Variants in MCTP1 observed in about 807,000 individuals in gnomAD.
MCTP1 encodes the protein multiple C2 and transmembrane domain-containing protein 1.
A neutral mutation model predicts 120.6 loss-of-function variants in MCTP1; 69 were observed. The observed-to-expected ratio is 0.57, with a 90% CI of 0.47 to 0.70. MCTP1 has a LOEUF of 0.70. Among genes scored for constraint, MCTP1 ranks in the 30% least tolerant of loss-of-function variants. MCTP1 has a pLI of 0.00. For synonymous variants in MCTP1, 529 were observed against 493.1 expected, an observed-to-expected ratio of 1.07 and a Z score of -0.96; for missense variants, 1,203 against 1,248.8, an observed-to-expected ratio of 0.96 and a Z score of 0.55.
intron 1 of MCTP1, among the ~76,000 whole-genome samples, chr5:95,054,113 G>A (rs1045049493): frequency 6.6e-6 from 1 of 152,144 alleles, no homozygotes; most frequent in African/African-American, 2.4e-5. Flanking sequence ...GATTTCAAAT[G>A]TTTAAAGCTT....
At chr5:94,751,841 T>C (rs1208497162) in intron 19 of MCTP1, among the ~76,000 whole-genome samples, 2 of 151,658 alleles carry the variant, frequency 1.3e-5, no homozygotes, top group Non-Finnish European at 1.5e-5. Flanking sequence ...TCTCGATCCA[T>C]ACTTACCAGT....
chr5:94,921,813 A>G (rs552618594), intron 7 of MCTP1, among the ~76,000 whole-genome samples: 2 of 152,364 alleles, frequency 1.3e-5, no homozygotes, highest in South Asian at 4.1e-4. Context: ...GCTGCTGAAG[A>G]AAAGGGTCAA....
intron 12 of MCTP1, among the ~76,000 whole-genome samples, chr5:94,878,316 T>G (rs1799339763): frequency 6.6e-6 from 1 of 152,144 alleles, no homozygotes; most frequent in Non-Finnish European, 1.5e-5. Flanking sequence ...TCAACTGACC[T>G]AAACATATTT....
chr5:94,774,036 G>A lies in MCTP1; in HGVS notation c.2610+5074C>T, dbSNP rs1273878731. Among the ~76,000 whole-genome samples the A allele has an allele frequency of 9.7e-4, 53 of 54,912 alleles. 18 individuals are homozygous for A. The highest frequency in any genetic ancestry group is 3.9e-3 in the African/African-American group (44 of 11,248). The allele number at this position is 54,912 out of a possible 152,430, so 36.0% of individuals were successfully genotyped here. ...ATCCCGGCTAAAATGGTGAAACCCC[G>A]TCTCTACTAAAAATACAAAAAATTA... On this transcript the variant is annotated intron_variant, in intron 19 of 22. Transcript: ENST00000515393.
chr5:95,244,089 C>T (rs1756477137), intron 1 of MCTP1, among the ~76,000 whole-genome samples: 1 of 152,184 alleles, frequency 6.6e-6, no homozygotes, highest in African/African-American at 2.4e-5. Context: ...TTTTAACGTA[C>T]AGTCTCCTAA....
At chr5:94,910,375 T>C (rs1213939632) in intron 9 of MCTP1, among the ~76,000 whole-genome samples, 2 of 152,018 alleles carry the variant, frequency 1.3e-5, no homozygotes, top group East Asian at 1.9e-4. Context: ...CCTATATTGA[T>C]AGGAATGGAA....
intron 1 of MCTP1, among the ~76,000 whole-genome samples, chr5:95,152,668 G>A (rs912158793): frequency 1.1e-4 from 17 of 152,258 alleles, no homozygotes; most frequent in African/African-American, 4.1e-4. Flanking sequence ...GGAGGTGAAG[G>A]AAAAATAACT....
intron 19 of MCTP1, among the ~76,000 whole-genome samples, chr5:94,773,482 C>A (rs1484311387): frequency 6.6e-6 from 1 of 152,126 alleles, no homozygotes; most frequent in Non-Finnish European, 1.5e-5. Flanking sequence ...TGCCAAGATT[C>A]GCGCCTTCCA....
chr5:95,082,953 C>T (rs193280798), intron 1 of MCTP1, among the ~76,000 whole-genome samples: 7 of 152,254 alleles, frequency 4.6e-5, no homozygotes, highest in Middle Eastern at 3.4e-3. Flanking sequence ...TACTTTCTAT[C>T]GGATGATCTT....
chr5:94,988,549 G>T (rs1167035495), intron 2 of MCTP1, among the ~76,000 whole-genome samples: 2 of 150,784 alleles, frequency 1.3e-5, no homozygotes, highest in African/African-American at 4.9e-5. Context: ...ATGATTTTTG[G>T]AAGTAGGTTT....
intron 19 of MCTP1, among the ~76,000 whole-genome samples, chr5:94,751,219 G>GA (rs1251041410): frequency 3.9e-5 from 6 of 151,996 alleles, no homozygotes; most frequent in African/African-American, 1.4e-4. Context: ...TTTAGTAATA[G>GA]AAAAAATGAT....
chr5:94,923,949 AT>A lies in MCTP1; in HGVS notation c.1272+12del. 1.3e-6 allele frequency: 2 copies of A among 1,493,336 alleles called. No homozygotes were observed. Among genetic ancestry groups the A allele is most frequent in the South Asian group, 2.6e-5 (2 of 75,578 alleles). The allele number at this position is 1,493,336 out of a possible 1,614,324, so 92.5% of individuals were successfully genotyped here. A position where few individuals can be genotyped will look rare whatever the true frequency, so the allele number is the denominator to read the frequency against. ...AAAATCAAGAATATTAACAAAAAGG[AT>A]TTAGACATTACCCTCCAAAAGAGAG... On this transcript the variant is annotated intron_variant, in intron 7 of 22. Coordinates refer to ENST00000515393, the MANE Select transcript of MCTP1 (RefSeq NM_024717.7).
At chr5:94,801,640 A>C (rs1580762508) in intron 17 of MCTP1, among the ~76,000 whole-genome samples, 1 of 152,180 alleles carries the variant, frequency 6.6e-6, no homozygotes, top group East Asian at 1.9e-4. Flanking sequence ...GACCAATTGT[A>C]ATCTTTTTAA....
chr5:94,888,142 C>G (rs1801751179), intron 12 of MCTP1, among the ~76,000 whole-genome samples: 1 of 152,038 alleles, frequency 6.6e-6, no homozygotes, highest in African/African-American at 2.4e-5. Flanking sequence ...ATAAGCATCC[C>G]CCAAATCCTT....
intron 1 of MCTP1, among the ~76,000 whole-genome samples, chr5:95,174,080 G>T (rs371432273): frequency 6.6e-6 from 1 of 152,106 alleles, no homozygotes; most frequent in Non-Finnish European, 1.5e-5. Context: ...CTCCATGAGG[G>T]CAATGTTTTG....
intron 2 of MCTP1, among the ~76,000 whole-genome samples, chr5:94,973,469 G>A (rs535255400): frequency 1.3e-5 from 2 of 152,246 alleles, no homozygotes; most frequent in South Asian, 4.2e-4. Context: ...CCCACTCAGT[G>A]AATTTGACGG....
At chr5:95,006,939 G>C (rs1834881410) in intron 2 of MCTP1, among the ~76,000 whole-genome samples, 1 of 152,086 alleles carries the variant, frequency 6.6e-6, no homozygotes, top group Non-Finnish European at 1.5e-5. Context: ...GAAAAACTGG[G>C]ATATATGGCT....
At chr5:95,249,343 T>C (rs1426631182) in intron 1 of MCTP1, among the ~76,000 whole-genome samples, 1 of 151,596 alleles carries the variant, frequency 6.6e-6, no homozygotes, top group Non-Finnish European at 1.5e-5. Flanking sequence ...AGAAAGTGGG[T>C]GAAAGATATG....
At chr5:94,840,587 C>A (rs553465613) in intron 17 of MCTP1, among the ~76,000 whole-genome samples, 1 of 151,574 alleles carries the variant, frequency 6.6e-6, no homozygotes, top group African/African-American at 2.4e-5. Flanking sequence ...TTCTTTATGT[C>A]TAGTTTTGGG....
Sources: allele counts gnomAD v4.1 joint callset (sites outside exome capture counted in the v4.1 genomes callset), GRCh38; gene constraint gnomAD v4.1.1; transcripts MANE v1.5; gene names NCBI Gene and HGNC (gene_info 2026-07-23, HGNC 2026-07-21).